The following CFAP52 variants were observed in gnomAD, a reference collection of about 807,000 sequenced individuals.
CFAP52 encodes cilia- and flagella-associated protein 52.
A neutral mutation model predicts 70.5 loss-of-function variants in CFAP52; 57 were observed. The ratio of observed to expected loss-of-function variants is 0.81; its 90% CI spans 0.65 to 1.01. The LOEUF (loss-of-function observed/expected upper bound fraction) is 1.01. Among genes scored for constraint, CFAP52 ranks in the 50% least tolerant of loss-of-function variants. The probability of loss-of-function intolerance (pLI) is 0.00; values close to 1 mark genes in which losing one functional copy is unlikely to be tolerated. For synonymous variants in CFAP52, 267 were observed against 292.5 expected (o/e 0.91, Z 0.89); for missense variants, 785 against 788.5 (o/e 1.00, Z 0.05).
At chr17:9,629,496 TTTTC>T (rs1315378729) in intron 9 of CFAP52, among the ~76,000 whole-genome samples, 2,056 of 146,446 alleles carry the variant, frequency 0.014, 42 homozygotes, top group African/African-American at 0.049. Flanking sequence ...TCTTTCTTTC[TTTTC>T]TTTTCTTTCT....
chr17:9,600,539 G>A (rs931517221), intron 6 of CFAP52, among the ~76,000 whole-genome samples: 6 of 152,038 alleles, frequency 3.9e-5, no homozygotes, highest in Admixed American at 2.6e-4. Flanking sequence ...CACCATGCCC[G>A]GACAAAGCAC....
chr17:9,644,128 C>T (rs1016599224), downstream of CFAP52, among the ~76,000 whole-genome samples: 2 of 152,138 alleles, frequency 1.3e-5, no homozygotes, highest in East Asian at 1.9e-4. Flanking sequence ...TTTTTTGAGA[C>T]GGAATTTAGC....
intron 8 of CFAP52, among the ~76,000 whole-genome samples, chr17:9,615,504 T>G (rs1273209633): frequency 1.3e-5 from 2 of 152,248 alleles, no homozygotes; most frequent in African/African-American, 4.8e-5. Flanking sequence ...ACATGTTTAC[T>G]CTTTTTGTCT....
At chr17:9,628,551 A>T in intron 8 of CFAP52, 121 bp from the exon 9 acceptor site, 3 of 1,346,746 alleles carry the variant, frequency 2.2e-6, no homozygotes, top group Non-Finnish European at 1.0e-6. Flanking sequence ...TGCTGGGATT[A>T]CAGGTTTGAG....
intron 1 of CFAP52, among the ~76,000 whole-genome samples, chr17:9,581,949 A>G (rs1300082377): frequency 6.6e-6 from 1 of 152,120 alleles, no homozygotes; most frequent in African/African-American, 2.4e-5. Context: ...TCGCCTTGCT[A>G]TTAGTTCTGC....
At chr17:9,611,077 G>C in intron 7 of CFAP52, among the ~76,000 whole-genome samples, 1 of 152,126 alleles carries the variant, frequency 6.6e-6, no homozygotes, top group Non-Finnish European at 1.5e-5. Flanking sequence ...GGTTTAACTT[G>C]TCATCTTCCT....
intron 7 of CFAP52, 107 bp from the exon 8 acceptor site, chr17:9,612,202 G>A (rs1909739614): frequency 3.6e-6 from 5 of 1,374,582 alleles, no homozygotes; most frequent in Admixed American, 4.0e-5. Flanking sequence ...CTGTGAGGGC[G>A]TGTCTGAAAT....
intron 3 of CFAP52, 111 bp from the exon 4 acceptor site, chr17:9,594,082 A>G (rs539167300): frequency 2.1e-6 from 3 of 1,425,084 alleles, no homozygotes; most frequent in Admixed American, 2.6e-5. Flanking sequence ...GTTCGTTTTT[A>G]AGTAACCTGT....
chr17:9,638,011 G>C (rs938211005), intron 11 of CFAP52, among the ~76,000 whole-genome samples: 2 of 152,206 alleles, frequency 1.3e-5, no homozygotes, highest in African/African-American at 4.8e-5. Flanking sequence ...TGCAGACAAG[G>C]GTTGAGCCTG....
At chr17:9,582,298 A>C (rs1349267986) in intron 1 of CFAP52, among the ~76,000 whole-genome samples, 2 of 152,206 alleles carry the variant, frequency 1.3e-5, no homozygotes, top group Non-Finnish European at 2.9e-5. Flanking sequence ...GCTTTGTTCC[A>C]CATCAACACA....
chr17:9,607,325 G>T (rs550482311), intron 6 of CFAP52, among the ~76,000 whole-genome samples: 1 of 152,312 alleles, frequency 6.6e-6, no homozygotes, highest in East Asian at 1.9e-4. Context: ...CAGTCTGAGT[G>T]ACAGAGAGAG....
chr17:9,583,770 A>G (rs1427889480), intron 1 of CFAP52, among the ~76,000 whole-genome samples: 1 of 152,228 alleles, frequency 6.6e-6, no homozygotes, highest in Non-Finnish European at 1.5e-5. Context: ...ATAGGTGAGC[A>G]ATAATGGAGG....
At position 9,643,014 on chromosome 17, in the gene CFAP52, CT is replaced by C; in HGVS notation, c.1688-4del. ...GCAGCAATGCCATATACGTGTTTAT[CT>C]TTTTCAGGTGGAAATGACCATCTGG... On this transcript the variant is annotated splice_region_variant and splice_polypyrimidine_tract_variant and intron_variant, in intron 13 of 13. Transcript: ENST00000352665. 6.3e-7 allele frequency: 1 copy of C among 1,592,542 alleles called. No homozygotes were observed. The highest frequency in any genetic ancestry group is 8.6e-7 in the Non-Finnish European group (1 of 1,169,080).
chr17:9,638,384 G>A (rs1409131948), intron 11 of CFAP52, among the ~76,000 whole-genome samples: 1 of 152,126 alleles, frequency 6.6e-6, no homozygotes, highest in Non-Finnish European at 1.5e-5. Flanking sequence ...TTGTCCTCTG[G>A]TGGTCACTGA....
chr17:9,637,412 G>A (rs1055408113), intron 11 of CFAP52, among the ~76,000 whole-genome samples: 15 of 152,148 alleles, frequency 9.9e-5, no homozygotes, highest in Non-Finnish European at 2.1e-4. Context: ...CAGATACCAC[G>A]TTTGAAAACT....
chr17:9,639,452 A>G (rs1910961747), intron 12 of CFAP52, among the ~76,000 whole-genome samples: 1 of 151,752 alleles, frequency 6.6e-6, no homozygotes, highest in Admixed American at 6.6e-5. Context: ...AAAATTCTAC[A>G]TATGGTACAG....
chr17:9,624,813 T>C (rs1299267995), intron 8 of CFAP52, among the ~76,000 whole-genome samples: 1 of 152,196 alleles, frequency 6.6e-6, no homozygotes, highest in Non-Finnish European at 1.5e-5. Context: ...ATTGTTGGCA[T>C]GGACTCAAAC....
chr17:9,631,104 AAG>A lies in CFAP52; in HGVS notation c.1175-1782_1175-1781del, dbSNP rs1194031625. 1.2e-3 allele frequency among the ~76,000 whole-genome samples: 183 copies of A among 146,728 alleles called. 11 individuals are homozygous for A. Among genetic ancestry groups the A allele is most frequent in the African/African-American group, 4.7e-3 (174 of 37,272 alleles). On this transcript the variant is annotated intron_variant, in intron 9 of 13. Transcript: ENST00000352665. ...AAAGAGAAAGAAAGAAAGAGAAAGA[AAG>A]AACATAAGTCAGAATTTGCCATATT... is the stretch of plus-strand genomic sequence containing the variant.
chr17:9,615,795 CTTTT>C (rs1190663709), intron 8 of CFAP52, among the ~76,000 whole-genome samples: 74 of 67,422 alleles, frequency 1.1e-3, no homozygotes, highest in African/African-American at 2.7e-3. Context: ...AAAAAAAATT[CTTTT>C]TTTTTTTTTT....
Sources: gnomAD v4.1 joint callset for allele counts (sites outside exome capture counted in the v4.1 genomes callset) on GRCh38, gnomAD v4.1.1 for gene constraint, MANE v1.5 for transcripts, NCBI Gene and HGNC (gene_info 2026-07-23, HGNC 2026-07-21) for gene names.